CCDC146: variants seen among roughly 807,000 people sequenced by gnomAD.
CCDC146 encodes the protein coiled-coil domain-containing protein 146.
A neutral mutation model predicts 119.3 loss-of-function variants in CCDC146; 92 were observed. That is an observed-to-expected ratio of 0.77 (90% CI 0.65 to 0.92). The LOEUF is 0.92. Among genes scored for constraint, CCDC146 ranks in the 40% least tolerant of loss-of-function variants. The pLI is 0.00. For missense variants in CCDC146, 1,000 were observed against 1,103.0 expected, an observed-to-expected ratio of 0.91 and a Z score of 1.32; for synonymous variants, 372 against 371.8, an observed-to-expected ratio of 1.00 and a Z score of -0.01.
At chr7:77,128,801 C>G (rs1790743992) in intron 1 of CCDC146, among the ~76,000 whole-genome samples, 1 of 152,134 alleles carries the variant, frequency 6.6e-6, no homozygotes, top group Non-Finnish European at 1.5e-5. Context: ...TCCCGATACT[C>G]TTTCTCTCTT....
intron 2 of CCDC146, among the ~76,000 whole-genome samples, chr7:77,216,148 T>C (rs761047087): frequency 6.6e-5 from 10 of 152,118 alleles, no homozygotes; most frequent in Non-Finnish European, 1.3e-4. Context: ...ATTTTTATAT[T>C]CATACCATTA....
chr7:77,286,189 A>G (rs1187931053), intron 15 of CCDC146, among the ~76,000 whole-genome samples: 1 of 152,226 alleles, frequency 6.6e-6, no homozygotes, highest in African/African-American at 2.4e-5. Flanking sequence ...ATCATGGTGG[A>G]AAGCAAAGGG....
intron 6 of CCDC146, chr7:77,257,322 C>T (rs1171182901): frequency 1.3e-5 from 2 of 152,084 alleles, no homozygotes; most frequent in African/African-American, 2.4e-5. Flanking sequence ...ATAAATGACT[C>T]TCAAAACAGT....
intron 1 of CCDC146, among the ~76,000 whole-genome samples, chr7:77,148,504 T>C (rs10265783): frequency 0.011 from 1,665 of 152,144 alleles, 23 homozygotes; most frequent in African/African-American, 0.038. Flanking sequence ...GCGTCGCTCA[T>C]GCTAGGAGCT....
In CCDC146 at chr7:77,188,660, C is replaced by T. The variant is rs146548447; in HGVS notation, c.156+20836C>T. On this transcript the variant is annotated intron_variant, in intron 2 of 18. Transcript: ENST00000285871. ...TGAGGCTTCAATCAGTCATTACCCC[C>T]TCATTTTGCTGTCAGGTGTCTTCCT... is the stretch of plus-strand genomic sequence containing the variant. Among the ~76,000 whole-genome samples the T allele has an allele frequency of 7.1e-3, 1,077 of 152,238 alleles. 18 individuals carry two copies. The highest frequency in any genetic ancestry group is 0.024 in the African/African-American group (977 of 41,546).
At chr7:77,248,500 G>A (rs1584109492) in intron 4 of CCDC146, among the ~76,000 whole-genome samples, 1 of 152,254 alleles carries the variant, frequency 6.6e-6, no homozygotes, top group East Asian at 1.9e-4. Flanking sequence ...CTGGTTATTT[G>A]TTATAACCAG....
chr7:77,191,975 G>A (rs909624027), intron 2 of CCDC146, among the ~76,000 whole-genome samples: 2 of 151,862 alleles, frequency 1.3e-5, no homozygotes, highest in Non-Finnish European at 2.9e-5. Flanking sequence ...CACCCAGGCT[G>A]GAGTGCAGTG....
At position 77,260,250 on chromosome 7, in the gene CCDC146, A is replaced by G; in HGVS notation, c.986+14A>G. 1 of 1,567,334 alleles carries G rather than the reference A, an allele frequency of 6.4e-7. No individual in the cohort carries two copies. Among genetic ancestry groups the G allele is most frequent in the Non-Finnish European group, 8.7e-7 (1 of 1,147,100 alleles). On this transcript the variant is annotated intron_variant, in intron 8 of 18. Transcript: ENST00000285871. Reference sequence around the variant, plus strand: ...ATTAACTGAAAGGTTAGTTATATTTATGTATGTTATGTTCTGTCATCTAAA... The same window carrying G: ...ATTAACTGAAAGGTTAGTTATATTTGTGTATGTTATGTTCTGTCATCTAAA...
intron 4 of CCDC146, among the ~76,000 whole-genome samples, chr7:77,243,191 G>A (rs2177988): frequency 0.68 from 103,394 of 152,068 alleles, 38,845 homozygotes; most frequent in Non-Finnish European, 0.86. Context: ...ATTTCCAACT[G>A]TTCCTGCCAA....
chr7:77,226,126 T>C (rs985808796), intron 2 of CCDC146, among the ~76,000 whole-genome samples: 1 of 152,198 alleles, frequency 6.6e-6, no homozygotes, highest in African/African-American at 2.4e-5. Context: ...AGATAACCTA[T>C]GGGAAAAGTC....
chr7:77,173,633 C>T (rs1421185014), intron 2 of CCDC146, among the ~76,000 whole-genome samples: 1 of 152,130 alleles, frequency 6.6e-6, no homozygotes, highest in Non-Finnish European at 1.5e-5. Context: ...GTCTCAAAAA[C>T]AAAAGTGATT....
chr7:77,261,414 C>T (rs1238582877), intron 8 of CCDC146, among the ~76,000 whole-genome samples: 2 of 152,156 alleles, frequency 1.3e-5, no homozygotes, highest in Non-Finnish European at 1.5e-5. Context: ...AGGATAATGA[C>T]CTCCAGCTCC....
chr7:77,247,182 AAGTC>A (rs1792967417), intron 4 of CCDC146, among the ~76,000 whole-genome samples: 2 of 152,226 alleles, frequency 1.3e-5, no homozygotes, highest in Admixed American at 6.5e-5. Flanking sequence ...TAGAGGAAAT[AAGTC>A]AGTATTTCCT....
chr7:77,140,815 C>T (rs986906447), intron 1 of CCDC146, among the ~76,000 whole-genome samples: 1 of 151,956 alleles, frequency 6.6e-6, no homozygotes, highest in Non-Finnish European at 1.5e-5. Context: ...TTAGTAGACA[C>T]GTTGATATAT....
At chr7:77,198,647 T>A (rs1400588113) in intron 2 of CCDC146, 3 of 153,056 alleles carry the variant, frequency 2.0e-5, no homozygotes, top group African/African-American at 7.2e-5. Flanking sequence ...AAAGCAAAAA[T>A]TTGTGCACAC....
intron 2 of CCDC146, among the ~76,000 whole-genome samples, chr7:77,212,154 A>G (rs192671716): frequency 1.3e-5 from 2 of 152,242 alleles, no homozygotes; most frequent in Non-Finnish European, 2.9e-5. Flanking sequence ...AAATGCCTAC[A>G]TAAAAAATAC....
At chr7:77,203,707 C>T (rs1040343605) in intron 2 of CCDC146, among the ~76,000 whole-genome samples, 6 of 152,158 alleles carry the variant, frequency 3.9e-5, no homozygotes, top group African/African-American at 7.2e-5. Context: ...CTCCTAGTAT[C>T]GGCTGCTTAT....
intron 2 of CCDC146, among the ~76,000 whole-genome samples, chr7:77,209,547 G>A (rs111360220): frequency 5.3e-4 from 81 of 152,326 alleles, no homozygotes; most frequent in Non-Finnish European, 1.1e-3. Context: ...GGGCCTGGAG[G>A]ACGATGGCCC....
At chr7:77,252,734 C>T (rs1171394997) in intron 4 of CCDC146, among the ~76,000 whole-genome samples, 1 of 152,210 alleles carries the variant, frequency 6.6e-6, no homozygotes, top group Non-Finnish European at 1.5e-5. Context: ...CTAGACTATG[C>T]AATAAGAACA....
Sources: allele counts gnomAD v4.1 joint callset (sites outside exome capture counted in the v4.1 genomes callset), GRCh38; gene constraint gnomAD v4.1.1; transcripts MANE v1.5; gene names NCBI Gene and HGNC (gene_info 2026-07-23, HGNC 2026-07-21).